AMBRA1: variants seen among roughly 807,000 people sequenced by gnomAD.
The protein encoded by AMBRA1 is autophagy and beclin 1 regulator 1, also known as activating molecule in BECN1-regulated autophagy protein 1.
A neutral mutation model predicts 125.4 loss-of-function variants in AMBRA1; 47 were observed. The ratio of observed to expected loss-of-function variants is 0.37; its 90% CI spans 0.30 to 0.48. The LOEUF is 0.48. Among genes scored for constraint, AMBRA1 ranks in the 20% least tolerant of loss-of-function variants. AMBRA1 has a pLI of 0.99. For missense variants in AMBRA1, 1,331 were observed against 1,693.4 expected (o/e 0.79, Z 3.76); for synonymous variants, 626 against 655.5 (o/e 0.95, Z 0.69).
intron 1 of AMBRA1, among the ~76,000 whole-genome samples, chr11:46,586,414 T>A (rs2044402826): frequency 6.6e-6 from 1 of 152,142 alleles, no homozygotes; most frequent in Non-Finnish European, 1.5e-5. Flanking sequence ...AAAAAAATAA[T>A]TTTTTAATTA....
intron 12 of AMBRA1, among the ~76,000 whole-genome samples, chr11:46,437,006 T>C (rs895795626): frequency 6.6e-6 from 1 of 152,316 alleles, no homozygotes; most frequent in South Asian, 2.1e-4. Context: ...GTTATTAAAG[T>C]AGACTTTCCT....
At chr11:46,555,419 T>G (rs1396615696) in intron 1 of AMBRA1, among the ~76,000 whole-genome samples, 1 of 152,198 alleles carries the variant, frequency 6.6e-6, no homozygotes, top group East Asian at 1.9e-4. Context: ...CTGTAAAACA[T>G]GATCACAATG....
chr11:46,547,936 A>G, intron 2 of AMBRA1, 61 bp from the exon 3 acceptor site: 1 of 1,539,498 alleles, frequency 6.5e-7, no homozygotes, highest in Non-Finnish European at 8.8e-7. Context: ...GGTTCACCGT[A>G]TCTCAAAAGC....
At chr11:46,525,284 G>T (rs1345860993) in intron 7 of AMBRA1, among the ~76,000 whole-genome samples, 1 of 152,052 alleles carries the variant, frequency 6.6e-6, no homozygotes, top group Non-Finnish European at 1.5e-5. Flanking sequence ...CTGGGCAACC[G>T]ATTGAAACCC....
At chr11:46,535,361 C>G (rs1311826071) in intron 7 of AMBRA1, among the ~76,000 whole-genome samples, 2 of 152,030 alleles carry the variant, frequency 1.3e-5, no homozygotes, top group Non-Finnish European at 2.9e-5. Context: ...CTGACCTCCA[C>G]AAGAAAAAAG....
At chr11:46,569,440 A>AAAATATATATATATATAT (rs1477022124) in intron 1 of AMBRA1, among the ~76,000 whole-genome samples, 6 of 131,368 alleles carry the variant, frequency 4.6e-5, no homozygotes, top group African/African-American at 1.5e-4. Context: ...AAAAAAAAAA[A>AAAATATATATATATATAT]ATATATATAT....
intron 1 of AMBRA1, among the ~76,000 whole-genome samples, chr11:46,593,537 G>C (rs1046580999): frequency 6.6e-6 from 1 of 152,194 alleles, no homozygotes; most frequent in African/African-American, 2.4e-5. Flanking sequence ...AGTGCGCAAA[G>C]CTCTATCGGT....
intron 7 of AMBRA1, among the ~76,000 whole-genome samples, chr11:46,516,672 A>T (rs533546191): frequency 3.1e-4 from 47 of 152,004 alleles, no homozygotes; most frequent in African/African-American, 1.1e-3. Context: ...TGACCTCATG[A>T]TCCGCCCACC....
intron 17 of AMBRA1, among the ~76,000 whole-genome samples, chr11:46,404,260 A>G (rs1238035717): frequency 6.6e-6 from 1 of 152,216 alleles, no homozygotes; most frequent in African/African-American, 2.4e-5. Flanking sequence ...TCTCCCTTCT[A>G]GCCCAGCCCA....
At chr11:46,456,671 A>C (rs2136816467) in intron 11 of AMBRA1, among the ~76,000 whole-genome samples, 1 of 152,290 alleles carries the variant, frequency 6.6e-6, no homozygotes, top group South Asian at 2.1e-4. Context: ...AAGCGAGTGG[A>C]ATTGGACCAG....
intron 17 of AMBRA1, among the ~76,000 whole-genome samples, chr11:46,402,133 A>G (rs1275109071): frequency 6.6e-6 from 1 of 151,804 alleles, no homozygotes; most frequent in Non-Finnish European, 1.5e-5. Context: ...GTGCTTCACA[A>G]CTCCCCGTAG....
chr11:46,435,341 A>C (rs1341582322), intron 12 of AMBRA1, among the ~76,000 whole-genome samples: 5 of 152,204 alleles, frequency 3.3e-5, no homozygotes, highest in Admixed American at 6.5e-5. Flanking sequence ...AAAGTTATTA[A>C]AAATTATTCC....
intron 7 of AMBRA1, among the ~76,000 whole-genome samples, chr11:46,525,571 T>C (rs1453721181): frequency 1.3e-5 from 2 of 150,524 alleles, no homozygotes; most frequent in Admixed American, 6.6e-5. Flanking sequence ...ACCAACACGG[T>C]GAAACCCTGT....
At chr11:46,553,763 C>T (rs2043086258) in intron 1 of AMBRA1, among the ~76,000 whole-genome samples, 1 of 151,226 alleles carries the variant, frequency 6.6e-6, no homozygotes, top group East Asian at 1.9e-4. Flanking sequence ...AACACAAAAA[C>T]AAAAACAAAA....
intron 11 of AMBRA1, among the ~76,000 whole-genome samples, chr11:46,459,225 A>G (rs575345367): frequency 1.3e-3 from 197 of 152,330 alleles, no homozygotes; most frequent in African/African-American, 4.6e-3. Context: ...CAGATGTATA[A>G]ATATACGTAT....
chr11:46,490,356 A>T (rs1565212919), intron 11 of AMBRA1, among the ~76,000 whole-genome samples: 1 of 152,232 alleles, frequency 6.6e-6, no homozygotes, highest in Admixed American at 6.5e-5. Context: ...GCACCAAGAT[A>T]AGGGAGAAGA....
Position 46,548,298 on chromosome 11 carries a change from A to C in AMBRA1, c.83T>G (p.Leu28Arg). The C allele has an allele frequency of 6.2e-7, 1 of 1,614,150 alleles. No homozygotes were observed. The highest frequency in any genetic ancestry group is 8.5e-7 in the Non-Finnish European group (1 of 1,180,026). The change falls in exon 2 of 18, where the codon CTT becomes CGT. Residue 28 changes from leucine to arginine, a missense_variant. Physicochemically the swap from Leu to Arg is moderately radical, Grantham distance 102. Around this residue, in one of 4 missense-constraint regions of AMBRA1, gnomAD observed 144 missense variants for 250.4 expected, o/e 0.58. Coordinates refer to ENST00000683756, the MANE Select transcript of AMBRA1 (RefSeq NM_001387011.1). ...RGARAMGAQRLLQELVEDKTR... is the reference protein window; with the variant it reads ...RGARAMGAQRRLQELVEDKTR... ...TTTATCTTCTACCAGCTCCTGCAGA[A>C]GCCGCTGAGCTCCCATGGCCCGAGC...
chr11:46,508,989 T>C (rs1590985483), intron 8 of AMBRA1, among the ~76,000 whole-genome samples: 1 of 152,178 alleles, frequency 6.6e-6, no homozygotes, highest in Admixed American at 6.5e-5. Context: ...ATTTGTAACA[T>C]GGGGAAAAAA....
In AMBRA1 at chr11:46,450,583, G is replaced by A. The variant is rs142606991; in HGVS notation, c.2522-6985C>T. Among the ~76,000 whole-genome samples the A allele has an allele frequency of 3.3e-4, 50 of 152,136 alleles. No individual in the cohort carries two copies. The East Asian group carries it at 8.7e-3, about 26-fold the overall frequency. On this transcript the variant is annotated intron_variant, in intron 11 of 17. Transcript: ENST00000683756. ...GCCTCCCGAGTAGCTGGGGCTACAGGTGTGTGCCACCATGACCAGCTGATT... is the reference window on the plus strand; with the variant it reads ...GCCTCCCGAGTAGCTGGGGCTACAGATGTGTGCCACCATGACCAGCTGATT...
Sources: allele counts gnomAD v4.1 joint callset (sites outside exome capture counted in the v4.1 genomes callset), GRCh38; gene constraint gnomAD v4.1.1; regional missense constraint gnomAD v4.1.1; transcripts MANE v1.5; gene names NCBI Gene and HGNC (gene_info 2026-07-23, HGNC 2026-07-21).